Variants in PRR16 observed in about 807,000 individuals in gnomAD.
PRR16 encodes the protein proline rich 16.
A neutral mutation model predicts 18.2 loss-of-function variants in PRR16; 6 were observed. The observed-to-expected ratio is 0.33, with a 90% CI of 0.18 to 0.65. The LOEUF (loss-of-function observed/expected upper bound fraction) is 0.65. Ranked by LOEUF, PRR16 falls within the 30% of genes least tolerant of loss-of-function variation. The pLI is 0.74. For synonymous variants in PRR16, 151 were observed against 147.8 expected (o/e 1.02, Z -0.16); for missense variants, 412 against 376.6 (o/e 1.09, Z -0.78).
At chr5:120,653,415 G>C (rs1755859554) in intron 1 of PRR16, among the ~76,000 whole-genome samples, 1 of 151,832 alleles carries the variant, frequency 6.6e-6, no homozygotes, top group Non-Finnish European at 1.5e-5. Context: ...TTAAGAAACA[G>C]TATAGTATTA....
At chr5:120,570,899 A>T (rs1057445467) in intron 1 of PRR16, among the ~76,000 whole-genome samples, 3 of 151,864 alleles carry the variant, frequency 2.0e-5, no homozygotes, top group Non-Finnish European at 2.9e-5. Context: ...ATAAAATTAT[A>T]AAAAAAGTAT....
the PRR16 span, among the ~76,000 whole-genome samples, chr5:120,696,110 C>T: frequency 1.3e-5 from 2 of 151,880 alleles, no homozygotes; most frequent in African/African-American, 4.8e-5. Flanking sequence ...GACGTAGTGG[C>T]GAGCGCCTGT....
At chr5:120,685,822 G>C in intron 1 of PRR16, 132 bp from the exon 2 acceptor site, 2 of 853,630 alleles carry the variant, frequency 2.3e-6, no homozygotes, top group Non-Finnish European at 1.8e-6. Context: ...AAAACATCAA[G>C]CAGCAATGGA....
intron 1 of PRR16, among the ~76,000 whole-genome samples, chr5:120,638,512 A>T (rs952742823): frequency 6.6e-6 from 1 of 152,086 alleles, no homozygotes; most frequent in Non-Finnish European, 1.5e-5. Context: ...TTATTGACTT[A>T]TTTAAGTCTA....
In PRR16 at chr5:120,521,503, A is replaced by T. The variant is rs888660092; in HGVS notation, c.159+56858A>T. On this transcript the variant is annotated intron_variant, in intron 1 of 1. Transcript: ENST00000407149. Reference sequence around the variant, plus strand: ...TTTATGGGGCTCATTTTTTTTCTTAACTTTTTATTTATAATTGGCACTTAA... The same window carrying T: ...TTTATGGGGCTCATTTTTTTTCTTATCTTTTTATTTATAATTGGCACTTAA... Among the ~76,000 whole-genome samples the T allele has an allele frequency of 3.9e-5, 6 of 151,962 alleles. No homozygotes were observed. In the East Asian group the frequency reaches 5.8e-4, roughly 15 times the overall value.
In PRR16 at chr5:120,686,183, C is replaced by T; in HGVS notation, c.389C>T (p.Thr130Ile). 1 of 1,614,164 alleles carries T rather than the reference C, an allele frequency of 6.2e-7. No homozygotes were observed. Among genetic ancestry groups the T allele is most frequent in the Non-Finnish European group, 8.5e-7 (1 of 1,180,030 alleles). ...CCTCCACCACCTCCTCCAAGGTTGA[C>T]ACCTGTGAAGTGTGAAGACCCCAAA... ...PNPPPPPPRL[T>I]PVKCEDPKRV... is the part of the protein sequence containing the mutation. The change falls in exon 2 of 2, where the codon ACA (threonine) becomes ATA (isoleucine). Residue 130 changes from threonine (T) to isoleucine (I), a missense_variant. By Grantham distance (89) the Thr-to-Ile change is moderately conservative. Coordinates refer to ENST00000407149, the MANE Select transcript of PRR16 (RefSeq NM_001300783.2).
chr5:120,684,010 A>C (rs909888326), intron 1 of PRR16, among the ~76,000 whole-genome samples: 2 of 152,140 alleles, frequency 1.3e-5, no homozygotes, highest in Non-Finnish European at 2.9e-5. Flanking sequence ...TAAATCATAG[A>C]GGCTCAGAGT....
the PRR16 span, among the ~76,000 whole-genome samples, chr5:120,754,426 A>AATATATAT: frequency 7.0e-4 from 62 of 89,182 alleles, no homozygotes; most frequent in African/African-American, 2.7e-3. Context: ...TATATTATAT[A>AATATATAT]ATATATAGTA....
At position 120,681,193 on chromosome 5, in the gene PRR16, T is replaced by C. The variant is rs181743158; in HGVS notation, c.160-4761T>C. Among the ~76,000 whole-genome samples the C allele has an allele frequency of 4.5e-3, 691 of 152,282 alleles. 5 individuals carry two copies. Among genetic ancestry groups the C allele is most frequent in the African/African-American group, 0.016 (665 of 41,596 alleles). On this transcript the variant is annotated intron_variant, in intron 1 of 1. Transcript: ENST00000407149. ...TGTATAGAGTGACTTTCATTTACGATGCTTTTCGTTGTCATTTTTTAAGAT... is the reference window on the plus strand; with the variant it reads ...TGTATAGAGTGACTTTCATTTACGACGCTTTTCGTTGTCATTTTTTAAGAT...
chr5:120,742,115 C>A, the PRR16 span, among the ~76,000 whole-genome samples: 1 of 151,836 alleles, frequency 6.6e-6, no homozygotes, highest in Admixed American at 6.6e-5. Context: ...AACTGCATTT[C>A]TTTTATACAA....
At chr5:120,508,413 A>G (rs987969509) in intron 1 of PRR16, among the ~76,000 whole-genome samples, 16 of 152,134 alleles carry the variant, frequency 1.1e-4, no homozygotes, top group Admixed American at 2.6e-4. Flanking sequence ...AACTGTTACA[A>G]TAACTTAAAG....
chr5:120,535,382 T>C (rs980464615), intron 1 of PRR16, among the ~76,000 whole-genome samples: 17 of 152,230 alleles, frequency 1.1e-4, no homozygotes, highest in African/African-American at 3.9e-4. Context: ...AATTGTTTTA[T>C]CAAAACATTG....
At chr5:120,569,389 G>A (rs187161771) in intron 1 of PRR16, among the ~76,000 whole-genome samples, 2 of 152,198 alleles carry the variant, frequency 1.3e-5, no homozygotes, top group African/African-American at 2.4e-5. Context: ...GCAGTGATGG[G>A]GTCTCAGGGT....
the PRR16 span, among the ~76,000 whole-genome samples, chr5:120,717,231 G>T: frequency 2.6e-5 from 4 of 152,168 alleles, no homozygotes; most frequent in Admixed American, 1.3e-4. Flanking sequence ...CTATTTACTA[G>T]CTCCTCCACT....
At chr5:120,760,061 G>A in the PRR16 span, among the ~76,000 whole-genome samples, 5 of 152,084 alleles carry the variant, frequency 3.3e-5, no homozygotes, top group Admixed American at 2.0e-4. Flanking sequence ...CTAAATATGC[G>A]TACTTGTTGA....
At chr5:120,635,333 A>G (rs1755192039) in intron 1 of PRR16, among the ~76,000 whole-genome samples, 2 of 152,108 alleles carry the variant, frequency 1.3e-5, no homozygotes, top group South Asian at 4.1e-4. Context: ...AAAACTACTG[A>G]CTAATATCCC....
At chr5:120,632,955 G>A (rs1315810749) in intron 1 of PRR16, among the ~76,000 whole-genome samples, 1 of 152,050 alleles carries the variant, frequency 6.6e-6, no homozygotes, top group Non-Finnish European at 1.5e-5. Context: ...CAAGACAAAG[G>A]AAAGAATCTT....
At chr5:120,726,781 A>C in the PRR16 span, among the ~76,000 whole-genome samples, 1 of 152,174 alleles carries the variant, frequency 6.6e-6, no homozygotes, top group African/African-American at 2.4e-5. Flanking sequence ...GAAAACATTC[A>C]GGGTCAACTT....
chr5:120,638,524 C>T (rs13357710), intron 1 of PRR16, among the ~76,000 whole-genome samples: 9,959 of 152,096 alleles, frequency 0.065, 347 homozygotes, highest in South Asian at 0.084. Flanking sequence ...TTAAGTCTAA[C>T]AAGGTCATGA....
Sources: gnomAD v4.1 joint callset for allele counts (sites outside exome capture counted in the v4.1 genomes callset) on GRCh38, gnomAD v4.1.1 for gene constraint, MANE v1.5 for transcripts, NCBI Gene and HGNC (gene_info 2026-07-23, HGNC 2026-07-21) for gene names.